EEF2K: variants seen among roughly 807,000 people sequenced by gnomAD.
The protein encoded by EEF2K is eukaryotic elongation factor 2 kinase.
A neutral mutation model predicts 93.8 loss-of-function variants in EEF2K; 70 were observed. That is an observed-to-expected ratio of 0.75 (90% CI 0.62 to 0.91). EEF2K has a LOEUF of 0.91. Among genes scored for constraint, EEF2K ranks in the 40% least tolerant of loss-of-function variants. The pLI, the probability that EEF2K is intolerant of heterozygous loss-of-function variation, is 0.00. For missense variants in EEF2K, 935 were observed against 972.9 expected, an observed-to-expected ratio of 0.96 and a Z score of 0.52; for synonymous variants, 376 against 380.8, an observed-to-expected ratio of 0.99 and a Z score of 0.15.
chr16:22,230,892 A>AG (rs1006506231), intron 2 of EEF2K, among the ~76,000 whole-genome samples: 9 of 152,058 alleles, frequency 5.9e-5, no homozygotes, highest in African/African-American at 9.7e-5. Context: ...AGCTTCCCAA[A>AG]GGGGGATTAC....
rs1343755751 is a variant in EEF2K, at chr16:22,257,151, C to T, written c.769-102C>T. On this transcript the variant is annotated intron_variant, in intron 7 of 17. Coordinates refer to ENST00000263026, the MANE Select transcript of EEF2K (RefSeq NM_013302.5). ...CCTTTGTCTTTTCCTCTATATAACT[C>T]CTTGAAGAGAAAGCCCCTCAGCATG... The T allele has an allele frequency of 2.5e-6, 4 of 1,570,008 alleles. No homozygotes were observed. In the African/African-American group the frequency reaches 5.5e-5, roughly 22 times the overall value.
At chr16:22,269,799 G>A (rs1006560474) in intron 15 of EEF2K, among the ~76,000 whole-genome samples, 36 of 152,134 alleles carry the variant, frequency 2.4e-4, no homozygotes, top group African/African-American at 8.2e-4. Flanking sequence ...CCCAGTACAC[G>A]GTTTCCATAT....
At chr16:22,268,417 C>A (rs1457341757) in intron 15 of EEF2K, among the ~76,000 whole-genome samples, 2 of 151,900 alleles carry the variant, frequency 1.3e-5, no homozygotes, top group Admixed American at 1.3e-4. Flanking sequence ...GTGATCTGCC[C>A]ACCTCAGCCT....
chr16:22,257,002 C>A, intron 7 of EEF2K, 105 bp downstream of exon 7: 1 of 1,530,132 alleles, frequency 6.5e-7, no homozygotes, highest in Non-Finnish European at 8.8e-7. Context: ...CTTGGAGTCT[C>A]ACCCCCAGAG....
intron 4 of EEF2K, among the ~76,000 whole-genome samples, chr16:22,249,807 G>A (rs932491074): frequency 6.6e-6 from 1 of 151,234 alleles, no homozygotes; most frequent in Admixed American, 6.6e-5. Flanking sequence ...TGGAGATAGA[G>A]TTTTGCTCTT....
At chr16:22,265,051 G>A in intron 13 of EEF2K, 171 bp downstream of exon 13, 1 of 673,358 alleles carries the variant, frequency 1.5e-6, no homozygotes, top group East Asian at 2.9e-5. Flanking sequence ...AACCTCTGCA[G>A]GGCAGGATGC....
At chr16:22,259,953 A>G (rs1008318462) in intron 10 of EEF2K, among the ~76,000 whole-genome samples, 3 of 152,104 alleles carry the variant, frequency 2.0e-5, no homozygotes, top group Non-Finnish European at 4.4e-5. Flanking sequence ...GGGTTTCACT[A>G]TGTTGGCCAG....
intron 13 of EEF2K, among the ~76,000 whole-genome samples, chr16:22,265,600 CAGTT>C (rs1297899967): frequency 6.6e-6 from 1 of 152,194 alleles, no homozygotes; most frequent in Non-Finnish European, 1.5e-5. Context: ...AGGATCTTCT[CAGTT>C]AGGTATGGAA....
intron 2 of EEF2K, among the ~76,000 whole-genome samples, chr16:22,227,898 A>G (rs763807868): frequency 7.9e-5 from 12 of 151,240 alleles, no homozygotes; most frequent in Non-Finnish European, 1.3e-4. Context: ...AGAGTTTGAG[A>G]CCAGCCTGGT....
chr16:22,217,901 C>T (rs531149298), intron 1 of EEF2K, among the ~76,000 whole-genome samples: 8 of 152,350 alleles, frequency 5.3e-5, no homozygotes, highest in African/African-American at 1.9e-4. Context: ...GTTTCGGGAA[C>T]ATCTGGATTC....
Position 22,284,095 on chromosome 16 carries a change from T to C in EEF2K, c.*99T>C, listed in dbSNP as rs970994006. On this transcript the variant is annotated 3_prime_UTR_variant, in exon 18 of 18. Coordinates refer to ENST00000263026, the MANE Select transcript of EEF2K (RefSeq NM_013302.5). The stretch of plus-strand genomic sequence containing the variant: ...TTATTTAGTTTGGGGAGGGGAAGCA[T>C]TTTTAAGTGTGTTGTAAAATCAAAT... 33 of 1,058,980 alleles carry C rather than the reference T, an allele frequency of 3.1e-5. No homozygotes were observed. The highest frequency in any genetic ancestry group is 4.5e-5 in the Non-Finnish European group (33 of 726,416). 65.6% of individuals were successfully genotyped at this position (1,058,980 alleles called of 1,614,324 possible). A position where few individuals can be genotyped will look rare whatever the true frequency, so the allele number is the denominator to read the frequency against.
chr16:22,274,839 G>T (rs1209140922), intron 16 of EEF2K, among the ~76,000 whole-genome samples: 2 of 152,116 alleles, frequency 1.3e-5, no homozygotes, highest in African/African-American at 4.8e-5. Flanking sequence ...GAACTCCTGG[G>T]CTCAAGCAAC....
At chr16:22,260,186 G>T (rs1182935124) in intron 10 of EEF2K, among the ~76,000 whole-genome samples, 1 of 152,200 alleles carries the variant, frequency 6.6e-6, no homozygotes, top group African/African-American at 2.4e-5. Context: ...CACATTACAA[G>T]GATAATTGCA....
chr16:22,241,574 G>A (rs552000318), intron 2 of EEF2K, among the ~76,000 whole-genome samples: 1 of 147,976 alleles, frequency 6.8e-6, no homozygotes, highest in East Asian at 2.0e-4. Flanking sequence ...GAACCCAGGA[G>A]GTTGCAGTGA....
intron 13 of EEF2K, among the ~76,000 whole-genome samples, chr16:22,265,818 G>A (rs892996122): frequency 1.3e-5 from 2 of 152,190 alleles, no homozygotes; most frequent in African/African-American, 4.8e-5. Context: ...ACAGCAACCT[G>A]CTGATGTTGC....
At chr16:22,255,026 G>A (rs558574926) in intron 6 of EEF2K, among the ~76,000 whole-genome samples, 53 of 152,240 alleles carry the variant, frequency 3.5e-4, no homozygotes, top group Non-Finnish European at 6.6e-4. Flanking sequence ...AGCCAAGATC[G>A]TGCCACTGCA....
At chr16:22,276,857 G>T (rs1228385469) in intron 16 of EEF2K, among the ~76,000 whole-genome samples, 1 of 152,102 alleles carries the variant, frequency 6.6e-6, no homozygotes, top group Non-Finnish European at 1.5e-5. Flanking sequence ...AGGAGATTGA[G>T]ACCAGACTGA....
rs886476131 is a variant in EEF2K at position 22,283,814 on chromosome 16, G to T, written c.2069-73G>T. 3 of 1,401,778 alleles carry T rather than the reference G, an allele frequency of 2.1e-6. No homozygotes were observed. In the African/African-American group the frequency reaches 4.3e-5, roughly 20 times the overall value. The allele number at this position is 1,401,778 out of a possible 1,614,324, so 86.8% of individuals were successfully genotyped here. ...ACGTCAGGGTGTTCTTCTGGGAGGG[G>T]TGATGGGGGACACTGGGCTGGCAAA... is the stretch of plus-strand genomic sequence containing the variant. On this transcript the variant is annotated intron_variant, in intron 17 of 17. Transcript: ENST00000263026.
chr16:22,241,961 G>A (rs571005902), intron 2 of EEF2K, among the ~76,000 whole-genome samples: 31 of 151,438 alleles, frequency 2.0e-4, no homozygotes, highest in Middle Eastern at 3.4e-3. Context: ...AGTGCAACCC[G>A]GTCTCTGCAA....
Sources: allele counts gnomAD v4.1 joint callset (sites outside exome capture counted in the v4.1 genomes callset), GRCh38; gene constraint gnomAD v4.1.1; transcripts MANE v1.5; gene names NCBI Gene and HGNC (gene_info 2026-07-23, HGNC 2026-07-21).